HDAC5: variants seen among roughly 807,000 people sequenced by gnomAD.
The protein encoded by HDAC5 is histone deacetylase 5, also known as antigen NY-CO-9.
Under a neutral mutation model 133.3 loss-of-function variants are expected in HDAC5, and 25 were observed. That is an observed-to-expected ratio of 0.19 (90% CI 0.14 to 0.26). The LOEUF (loss-of-function observed/expected upper bound fraction) is 0.26. Among genes scored for constraint, HDAC5 ranks in the 10% least tolerant of loss-of-function variants. The pLI, the probability that HDAC5 is intolerant of heterozygous loss-of-function variation, is 1.00. For synonymous variants in HDAC5, 589 were observed against 610.8 expected (o/e 0.96, Z 0.53); for missense variants, 1,041 against 1,460.5 (o/e 0.71, Z 4.68).
rs75361956 is a variant in HDAC5, at chr17:44,078,042, C to T, written c.*334G>A. The stretch of plus-strand genomic sequence containing the variant: ...TCCCGTTCCCTCCTCACTCGGGGGG[C>T]CCCAGAACTGGAGAGTACTGTCTGG... On this transcript the variant is annotated 3_prime_UTR_variant, in exon 27 of 27. Transcript: ENST00000682912. The T allele has an allele frequency of 7.7e-3, 1,962 of 253,492 alleles. 42 individuals carry two copies. Among genetic ancestry groups the T allele is most frequent in the African/African-American group, 0.04 (1,812 of 45,170 alleles). 15.7% of individuals were successfully genotyped at this position (253,492 alleles called of 1,614,324 possible). A position where few individuals can be genotyped will look rare whatever the true frequency, so the allele number is the denominator to read the frequency against.
intron 3 of HDAC5, among the ~76,000 whole-genome samples, chr17:44,095,041 C>A (rs2051181268): frequency 6.6e-6 from 1 of 152,160 alleles, no homozygotes; most frequent in Non-Finnish European, 1.5e-5. Flanking sequence ...GCGATCCTCC[C>A]ACCTCAGCCT....
chr17:44,078,637 G>A lies in HDAC5; in HGVS notation c.3192C>T (p.Phe1064=), dbSNP rs369583352. ...GCAGGGACCGGCCCAGACCAGCGGC[G>A]AACTTCTGCACACAGCTCCAGTGTT... ...QSKHWSCVQK[F]AAGLGRSLRE... is the part of the protein sequence containing the mutation. Residue 1064 remains phenylalanine, a synonymous_variant, in exon 26 of 27, where the codon TTC becomes TTT. Coordinates refer to ENST00000682912, the MANE Select transcript of HDAC5 (RefSeq NM_005474.5). 22 of 1,605,976 alleles carry A rather than the reference G, an allele frequency of 1.4e-5. No homozygotes were observed. The highest frequency in any genetic ancestry group is 8.9e-5 in the East Asian group (4 of 44,856).
intron 13 of HDAC5, 44 bp downstream of exon 13, chr17:44,087,368 C>G: frequency 1.4e-6 from 1 of 739,738 alleles, no homozygotes; most frequent in South Asian, 1.5e-5. Flanking sequence ...TGGAGAAGGA[C>G]AGAGGGGTGG....
chr17:44,092,372 A>G lies in HDAC5; in HGVS notation c.919+9T>C. On this transcript the variant is annotated intron_variant, in intron 8 of 26. Coordinates refer to ENST00000682912, the MANE Select transcript of HDAC5 (RefSeq NM_005474.5). ...ACCCTCAGAACAGGTACATGAGAGC[A>G]GCCCTTACCCCCAGGCCCGGCACCT... 1 of 1,612,148 alleles carries G rather than the reference A, an allele frequency of 6.2e-7. No homozygotes were observed. Among genetic ancestry groups the G allele is most frequent in the Non-Finnish European group, 8.5e-7 (1 of 1,178,402 alleles).
rs1034009466 is a variant in HDAC5 at position 44,091,346 on chromosome 17, G to A, written c.1311C>T (p.Ser437=). The A allele has an allele frequency of 5.0e-6, 8 of 1,605,490 alleles. No homozygotes were observed. The highest frequency in any genetic ancestry group is 6.8e-6 in the Non-Finnish European group (8 of 1,176,232). ...LLGVALEGDG[S]PHGHASLLQH... The stretch of plus-strand genomic sequence containing the variant: ...GCAGCAGGGAGGCATGCCCGTGGGG[G>A]CTCCCGTCGCCCTCCAGTGCCACGC... Residue 437 remains serine (S), a synonymous_variant, in exon 11 of 27, where the codon AGC becomes AGT. Coordinates refer to ENST00000682912, the MANE Select transcript of HDAC5 (RefSeq NM_005474.5).
rs1055122631 is a variant in HDAC5, at chr17:44,117,378, C to T, written c.22+116G>A. 4 of 1,136,110 alleles carry T rather than the reference C, an allele frequency of 3.5e-6. No homozygotes were observed. The East Asian group carries it at 7.0e-5, about 20-fold the overall frequency. The allele number at this position is 1,136,110 out of a possible 1,614,324, so 70.4% of individuals were successfully genotyped here. On this transcript the variant is annotated intron_variant, in intron 2 of 26. Coordinates refer to ENST00000682912, the MANE Select transcript of HDAC5 (RefSeq NM_005474.5). This position sits in a 1 kb window ranked among gnomAD's most constrained non-coding sequence, Gnocchi z 4.2. ...TGCAACACTTCTCCACTCCTTACCC[C>T]CTCATTCCCTTATAGCTCAGACAGT... is the stretch of plus-strand genomic sequence containing the variant.
intron 12 of HDAC5, 70 bp downstream of exon 12, chr17:44,088,317 C>T: frequency 6.7e-7 from 1 of 1,503,340 alleles, no homozygotes; most frequent in Non-Finnish European, 8.9e-7. Flanking sequence ...GAGGACTTTT[C>T]TGCCAGCCTG....
In HDAC5 at chr17:44,077,224, T is replaced by C. The variant is rs973750796; in HGVS notation, c.*1152A>G. Reference sequence around the variant, plus strand: ...TGGATGGCATCCCCTGGAAGCCTTGTAGGCCCACAGCCCCTGGCAGGGCTC... The same window carrying C: ...TGGATGGCATCCCCTGGAAGCCTTGCAGGCCCACAGCCCCTGGCAGGGCTC... On this transcript the variant is annotated 3_prime_UTR_variant, in exon 27 of 27. Transcript: ENST00000682912. 1 of 152,628 alleles carries C rather than the reference T, an allele frequency of 6.6e-6. No homozygotes were observed. The highest frequency in any genetic ancestry group is 2.4e-5 in the African/African-American group (1 of 41,390). The allele number at this position is 152,628 out of a possible 1,614,324, so 9.5% of individuals were successfully genotyped here.
chr17:44,111,059 A>G, intron 2 of HDAC5: 1 of 518,094 alleles, frequency 1.9e-6, no homozygotes, highest in Non-Finnish European at 3.6e-6. Context: ...CTGCAGGCCC[A>G]GCTCTGCTCT....
intron 1 of HDAC5, among the ~76,000 whole-genome samples, chr17:44,121,101 G>GAA (rs35741759): frequency 3.1e-4 from 27 of 87,772 alleles, no homozygotes; most frequent in African/African-American, 5.2e-4. Context: ...GCTATTTCTA[G>GAA]AAAAAAAAAA....
intron 3 of HDAC5, among the ~76,000 whole-genome samples, chr17:44,109,076 A>G (rs899001193): frequency 3.9e-5 from 6 of 152,178 alleles, no homozygotes; most frequent in Admixed American, 3.3e-4. Context: ...CTGGGGTACA[A>G]TCTGGAAGCA....
At chr17:44,091,864 G>A in intron 9 of HDAC5, 33 bp from the exon 10 acceptor site, 2 of 1,519,870 alleles carry the variant, frequency 1.3e-6, no homozygotes, top group Non-Finnish European at 8.8e-7. Context: ...AGGCATGAGA[G>A]TGCACAAAGG....
At chr17:44,078,773 C>T (rs181471383) in intron 25 of HDAC5, 22 bp downstream of exon 25, 12 of 1,612,782 alleles carry the variant, frequency 7.4e-6, no homozygotes, top group African/African-American at 2.7e-5. Flanking sequence ...CAGCCTGAGC[C>T]CCTCTACGTG....
rs757766344 is a variant in HDAC5, at chr17:44,111,667, T to C, written c.23-867A>G. On this transcript the variant is annotated intron_variant, in intron 2 of 26. Coordinates refer to ENST00000682912, the MANE Select transcript of HDAC5 (RefSeq NM_005474.5). ...GGAGTTCTAATAGCCCCATGGAGGT[T>C]TGCTTAACTTCTGCCCTCCCACAGA... 5 of 517,462 alleles carry C rather than the reference T, an allele frequency of 9.7e-6. No individual in the cohort carries two copies. The Admixed American group carries it at 9.7e-5, about 10-fold the overall frequency. 32.1% of individuals were successfully genotyped at this position (517,462 alleles called of 1,614,324 possible). A position where few individuals can be genotyped will look rare whatever the true frequency, so the allele number is the denominator to read the frequency against.
intron 10 of HDAC5, 43 bp downstream of exon 10, chr17:44,091,657 C>T (rs1255241990): frequency 2.0e-6 from 3 of 1,519,502 alleles, no homozygotes; most frequent in South Asian, 2.6e-5. Context: ...GGACCTGTGA[C>T]CTCAACACCA....
chr17:44,119,806 T>C (rs2052875502), intron 1 of HDAC5, among the ~76,000 whole-genome samples: 2 of 152,056 alleles, frequency 1.3e-5, no homozygotes, highest in Admixed American at 6.6e-5. Flanking sequence ...AGCTGTTTGT[T>C]CCCACATCTG....
chr17:44,111,345 G>T (rs905986967), intron 2 of HDAC5: 17 of 323,690 alleles, frequency 5.3e-5, no homozygotes, highest in Non-Finnish European at 2.5e-5. Context: ...GAGGCCCCAT[G>T]GGGGGGGAGG....
At chr17:44,085,227 C>A in intron 14 of HDAC5, 72 bp from the exon 15 acceptor site, 2 of 1,423,110 alleles carry the variant, frequency 1.4e-6, no homozygotes, top group Non-Finnish European at 1.9e-6. Flanking sequence ...CCATGATCCT[C>A]AGCAGGGCTC....
In HDAC5 at chr17:44,093,647, C is replaced by T. The variant is rs1247093765; in HGVS notation, c.282G>A (p.Leu94=). 9.3e-6 allele frequency: 15 copies of T among 1,612,822 alleles called. No homozygotes were observed. Among genetic ancestry groups the T allele is most frequent in the Admixed American group, 6.7e-5 (4 of 59,922 alleles). The change falls in exon 4 of 27, where the codon CTG becomes CTA. Residue 94 remains leucine (L), a synonymous_variant. Transcript: ENST00000682912. ...KQQQQLQKQL[L]FAEFQKQHDH... ...CATGCTGTTTCTGGAACTCAGCGAA[C>T]AGGAGCTGCTTCTGCAGCTGCTGCT... is the stretch of plus-strand genomic sequence containing the variant.
Sources: allele counts gnomAD v4.1 joint callset (sites outside exome capture counted in the v4.1 genomes callset), GRCh38; gene constraint gnomAD v4.1.1; non-coding constraint Gnocchi (gnomAD v3.1); transcripts MANE v1.5; gene names NCBI Gene and HGNC (gene_info 2026-07-23, HGNC 2026-07-21).